The following ANK2 variants were observed in gnomAD, a reference collection of about 807,000 sequenced individuals.
ANK2 encodes ankyrin 2, also known as ankyrin-2.
A neutral mutation model predicts 360.5 loss-of-function variants in ANK2; 83 were observed. The ratio of observed to expected loss-of-function variants is 0.23; its 90% CI spans 0.19 to 0.28. The LOEUF (loss-of-function observed/expected upper bound fraction) is 0.28, where lower values mean the gene tolerates loss of function less well. ANK2 is among the 10% of genes least tolerant of loss of function. The probability of loss-of-function intolerance (pLI) is 1.00; values close to 1 mark genes in which losing one functional copy is unlikely to be tolerated. For missense variants in ANK2, 4,201 were observed against 4,795.7 expected (o/e 0.88, Z 3.66); for synonymous variants, 1,740 against 1,759.5 (o/e 0.99, Z 0.28).
chr4:113,093,804 T>C (rs1480723904), intron 1 of ANK2, among the ~76,000 whole-genome samples: 2 of 152,250 alleles, frequency 1.3e-5, no homozygotes, highest in African/African-American at 2.4e-5. Flanking sequence ...AATAAGACAG[T>C]AACTTTACCC....
At chr4:113,095,306 T>C (rs1329842435) in intron 1 of ANK2, among the ~76,000 whole-genome samples, 1 of 152,198 alleles carries the variant, frequency 6.6e-6, no homozygotes, top group South Asian at 2.1e-4. Context: ...AGAATATATC[T>C]TTATTATTTA....
chr4:113,126,417 A>T (rs1484980801), intron 1 of ANK2, among the ~76,000 whole-genome samples: 1 of 152,194 alleles, frequency 6.6e-6, no homozygotes, highest in African/African-American at 2.4e-5. Flanking sequence ...CCTGCCTCAA[A>T]CTGGGCCAGA....
In ANK2 at chr4:113,289,428, C is replaced by T. The variant is rs577563256; in HGVS notation, c.2277+942C>T. ...TTCACTGTGTTGCCTAGGCTGGTCT[C>T]GAACTCCTGGGCTCAAGCGAAATTC... On this transcript the variant is annotated intron_variant, in intron 20 of 45. Transcript: ENST00000357077. Among the ~76,000 whole-genome samples, 171 of 151,996 alleles carry T rather than the reference C, an allele frequency of 1.1e-3. 1 individual carries two copies. Among genetic ancestry groups the T allele is most frequent in the Non-Finnish European group, 2.0e-3 (138 of 67,974 alleles).
chr4:113,367,157 ATTGT>A (rs1296271385), intron 41 of ANK2, among the ~76,000 whole-genome samples: 1 of 152,140 alleles, frequency 6.6e-6, no homozygotes, highest in Non-Finnish European at 1.5e-5. Flanking sequence ...TGTATTAGCT[ATTGT>A]TTGTTATGAT....
At chr4:112,766,352 G>A in the ANK2 span, among the ~76,000 whole-genome samples, 1 of 151,802 alleles carries the variant, frequency 6.6e-6, no homozygotes, top group African/African-American at 2.4e-5. Flanking sequence ...ATAAATGAAT[G>A]CATTTTGAAA....
chr4:112,930,008 A>T (rs929796245), intron 2 of ANK2, among the ~76,000 whole-genome samples: 3 of 152,182 alleles, frequency 2.0e-5, no homozygotes. Flanking sequence ...GTCACTTGTG[A>T]AATAATGAAC....
Position 113,353,564 on chromosome 4 carries a change from CTCT to C in ANK2, c.4949_4951del (p.Leu1650del). ...ACTGATGATCTGAATACCTGTGTGC[CTCT>C]TCCCAAAGAGCAGCTGCAGACAGTT... On this transcript the variant is annotated inframe_deletion, in exon 38 of 46. Transcript: ENST00000357077. 6.2e-7 allele frequency: 1 copy of C among 1,614,020 alleles called. No individual in the cohort carries two copies. Among genetic ancestry groups the C allele is most frequent in the South Asian group, 1.1e-5 (1 of 91,066 alleles).
chr4:113,076,002 G>T (rs1197911563), intron 1 of ANK2, among the ~76,000 whole-genome samples: 2 of 152,146 alleles, frequency 1.3e-5, no homozygotes, highest in Non-Finnish European at 1.5e-5. Context: ...TGGGGGTAAG[G>T]TCCAGGACTC....
chr4:113,039,211 C>T (rs545371323), intron 2 of ANK2, among the ~76,000 whole-genome samples: 1 of 151,934 alleles, frequency 6.6e-6, no homozygotes, highest in East Asian at 1.9e-4. Context: ...AACTGACTTC[C>T]TTTGCCATCT....
intron 7 of ANK2, among the ~76,000 whole-genome samples, chr4:113,239,467 A>C (rs1355741910): frequency 6.6e-6 from 1 of 152,200 alleles, no homozygotes; most frequent in Non-Finnish European, 1.5e-5. Flanking sequence ...AATACCAAGT[A>C]ACCCAAAAAC....
chr4:113,148,299 G>A (rs2096909424), intron 1 of ANK2, among the ~76,000 whole-genome samples: 3 of 152,028 alleles, frequency 2.0e-5, no homozygotes, highest in Admixed American at 2.0e-4. Flanking sequence ...TTTCTATTGT[G>A]GTTTCCTTAG....
the ANK2 span, among the ~76,000 whole-genome samples, chr4:112,784,754 G>C: frequency 6.6e-6 from 1 of 152,106 alleles, no homozygotes; most frequent in South Asian, 2.1e-4. Flanking sequence ...TAATTTAATG[G>C]ATAAAAATGC....
intron 5 of ANK2, among the ~76,000 whole-genome samples, chr4:113,235,506 T>C (rs1483087678): frequency 6.6e-6 from 1 of 152,190 alleles, no homozygotes; most frequent in Non-Finnish European, 1.5e-5. Flanking sequence ...TACCATCGTC[T>C]CTAGAATGCA....
intron 2 of ANK2, among the ~76,000 whole-genome samples, chr4:113,022,811 A>T (rs1167749836): frequency 6.6e-6 from 1 of 152,214 alleles, no homozygotes; most frequent in East Asian, 1.9e-4. Flanking sequence ...TATCATCCTG[A>T]TGGAAGCAAT....
intron 1 of ANK2, chr4:113,072,074 G>T (rs1024040242): frequency 7.2e-5 from 11 of 152,108 alleles, no homozygotes; most frequent in African/African-American, 2.7e-4. Flanking sequence ...CGACACATGG[G>T]GATTATGGGA....
At position 112,907,307 on chromosome 4, in the gene ANK2, G is replaced by T. The variant is rs186643772; in HGVS notation, c.21+2793G>T. Among the ~76,000 whole-genome samples, 344 of 152,272 alleles carry T rather than the reference G, an allele frequency of 2.3e-3. 1 individual carries two copies. The highest frequency in any genetic ancestry group is 4.0e-3 in the Non-Finnish European group (271 of 68,014). ...TTTCTGTGTCCCATTTGACTTTTAG[G>T]AGTGTTTACTTGAGGGCATAGAGCT... On this transcript the variant is annotated intron_variant, in intron 2 of 30. Transcript: ENST00000503271.
At chr4:112,811,716 AT>A in the ANK2 span, among the ~76,000 whole-genome samples, 2 of 152,148 alleles carry the variant, frequency 1.3e-5, no homozygotes, top group African/African-American at 4.8e-5. Context: ...GATTTTTCCA[AT>A]TGTTAGTGTT....
At chr4:113,187,740 A>G (rs2153331105) in intron 2 of ANK2, among the ~76,000 whole-genome samples, 1 of 152,338 alleles carries the variant, frequency 6.6e-6, no homozygotes, top group East Asian at 1.9e-4. Context: ...TCAGTGTCAT[A>G]TAACGACAGG....
In ANK2 at chr4:113,358,641, A is replaced by G. The variant is rs2154030257; in HGVS notation, c.10023A>G (p.Glu3341=). 1.9e-6 allele frequency: 3 copies of G among 1,610,894 alleles called. No individual in the cohort carries two copies. The highest frequency in any genetic ancestry group is 2.5e-6 in the Non-Finnish European group (3 of 1,178,512). The change falls in exon 38 of 46, where the codon GAA becomes GAG. Residue 3341 remains glutamate (E), a synonymous_variant. Transcript: ENST00000357077. ...SSVDEENKAD[E]AKPKSKLPVK... is the part of the protein sequence containing the mutation. Reference sequence around the variant, plus strand: ...TAGATGAGGAAAATAAGGCGGATGAAGCAAAACCAAAGTCCAAACTCCCTG... The same window carrying G: ...TAGATGAGGAAAATAAGGCGGATGAGGCAAAACCAAAGTCCAAACTCCCTG...
Sources: allele counts gnomAD v4.1 joint callset (sites outside exome capture counted in the v4.1 genomes callset), GRCh38; gene constraint gnomAD v4.1.1; transcripts MANE v1.5; gene names NCBI Gene and HGNC (gene_info 2026-07-23, HGNC 2026-07-21).